Variants in XKR6 observed in about 807,000 individuals in gnomAD.
XKR6 encodes XK related 6.
In XKR6, 22 loss-of-function variants were observed where a neutral mutation model predicts 56.7. The observed-to-expected ratio is 0.39, with a 90% CI of 0.28 to 0.55. The LOEUF (loss-of-function observed/expected upper bound fraction) is 0.55, where lower values mean the gene tolerates loss of function less well. Ranked by LOEUF, XKR6 falls within the 20% of genes least tolerant of loss-of-function variation. The probability of loss-of-function intolerance (pLI) is 0.66; values close to 1 mark genes in which losing one functional copy is unlikely to be tolerated. For missense variants in XKR6, 852 were observed against 889.0 expected (o/e 0.96, Z 0.53); for synonymous variants, 524 against 387.8 (o/e 1.35, Z -4.13).
Position 10,905,629 on chromosome 8 carries a change from A to G in XKR6, c.962-6713T>C, listed in dbSNP as rs1414372558. 2.0e-5 allele frequency among the ~76,000 whole-genome samples: 3 copies of G among 152,134 alleles called. No individual in the cohort carries two copies. In the East Asian group the frequency reaches 5.8e-4, roughly 29 times the overall value. Reference sequence around the variant, plus strand: ...TGGTTATCTGTCAGTCTGCATATCAAGGACAACATCTCCCTCTTTCAACCC... The same window carrying G: ...TGGTTATCTGTCAGTCTGCATATCAGGGACAACATCTCCCTCTTTCAACCC... On this transcript the variant is annotated intron_variant, in intron 2 of 2. Coordinates refer to ENST00000416569, the MANE Select transcript of XKR6 (RefSeq NM_173683.4).
intron 1 of XKR6, chr8:11,123,835 C>T (rs1452924507): frequency 2.2e-6 from 1 of 456,200 alleles, no homozygotes; most frequent in Admixed American, 2.3e-5. Flanking sequence ...CACACCAAGG[C>T]AGTTCCAGTG....
intron 1 of XKR6, among the ~76,000 whole-genome samples, chr8:11,161,032 A>C (rs1174363623): frequency 6.6e-6 from 1 of 152,150 alleles, no homozygotes; most frequent in Non-Finnish European, 1.5e-5. Flanking sequence ...TCTAACCTTA[A>C]GATTTTTAAG....
intron 2 of XKR6, among the ~76,000 whole-genome samples, chr8:10,899,561 C>T (rs1480849839): frequency 6.6e-6 from 1 of 152,232 alleles, no homozygotes; most frequent in Non-Finnish European, 1.5e-5. Flanking sequence ...TCCTCTCTCA[C>T]CCACTCTGGT....
Position 10,922,938 on chromosome 8 carries a change from C to T in XKR6, c.961+1696G>A, listed in dbSNP as rs577165492. Among the ~76,000 whole-genome samples the T allele has an allele frequency of 8.5e-5, 13 of 152,308 alleles. No individual in the cohort carries two copies. In the South Asian group the frequency reaches 1.7e-3, roughly 19 times the overall value. The stretch of plus-strand genomic sequence containing the variant: ...AGTTGGCTCCTTCCAGCTCTCCTCT[C>T]TAGGCCACGGTTGCTCATCCTGTAG... On this transcript the variant is annotated intron_variant, in intron 2 of 2. Transcript: ENST00000416569.
intron 1 of XKR6, among the ~76,000 whole-genome samples, chr8:11,062,142 G>C (rs1586493212): frequency 1.3e-5 from 2 of 152,180 alleles, no homozygotes; most frequent in East Asian, 3.8e-4. Flanking sequence ...CTGGAAGTAT[G>C]ACAGGACAAG....
chr8:11,110,851 T>A (rs1347584009), intron 1 of XKR6, among the ~76,000 whole-genome samples: 1 of 152,006 alleles, frequency 6.6e-6, no homozygotes, highest in Non-Finnish European at 1.5e-5. Flanking sequence ...CCTTTTTTTT[T>A]TTTGAGGCGG....
At chr8:11,021,225 C>T (rs1798742974) in intron 1 of XKR6, among the ~76,000 whole-genome samples, 1 of 152,184 alleles carries the variant, frequency 6.6e-6, no homozygotes, top group South Asian at 2.1e-4. Context: ...CTGCAGGTCT[C>T]ACAGGGAGAG....
chr8:11,064,031 A>G (rs148857089), intron 1 of XKR6, among the ~76,000 whole-genome samples: 39 of 152,254 alleles, frequency 2.6e-4, no homozygotes, highest in Non-Finnish European at 4.9e-4. Context: ...TCTCTTCTAT[A>G]TCAACATCCA....
rs532332088 is a variant in XKR6 at position 10,964,261 on chromosome 8, A to T, written c.765-39431T>A. Among the ~76,000 whole-genome samples, 46 of 152,204 alleles carry T rather than the reference A, an allele frequency of 3.0e-4. 1 individual carries two copies. The highest frequency in any genetic ancestry group is 1.0e-3 in the African/African-American group (43 of 41,526). On this transcript the variant is annotated intron_variant, in intron 1 of 2. Coordinates refer to ENST00000416569, the MANE Select transcript of XKR6 (RefSeq NM_173683.4). ...ATGAATGGTTGGTTCTAAAAACCCA[A>T]TACCCCCACGCTTCCCTGGGGCTTC...
At chr8:11,084,933 T>C (rs180985837) in intron 1 of XKR6, among the ~76,000 whole-genome samples, 2 of 152,256 alleles carry the variant, frequency 1.3e-5, no homozygotes, top group Admixed American at 6.5e-5. Context: ...CAAAAAGAAA[T>C]CTGCTGAAGA....
intron 1 of XKR6, among the ~76,000 whole-genome samples, chr8:11,187,767 G>A (rs188569913): frequency 3.9e-5 from 6 of 152,276 alleles, no homozygotes; most frequent in African/African-American, 1.4e-4. Flanking sequence ...GGCACATGAA[G>A]GCTACACTCT....
chr8:10,976,120 G>A (rs1802549650), intron 1 of XKR6, among the ~76,000 whole-genome samples: 1 of 152,018 alleles, frequency 6.6e-6, no homozygotes, highest in African/African-American at 2.4e-5. Context: ...AGCTTGCAGT[G>A]AGCCGAGATC....
intron 1 of XKR6, among the ~76,000 whole-genome samples, chr8:11,187,410 C>T (rs937740940): frequency 2.0e-5 from 3 of 152,130 alleles, no homozygotes; most frequent in Non-Finnish European, 4.4e-5. Context: ...ATCGTGACAC[C>T]ATCGCTGATT....
intron 1 of XKR6, among the ~76,000 whole-genome samples, chr8:10,986,568 G>C (rs1797868547): frequency 6.6e-6 from 1 of 152,172 alleles, no homozygotes; most frequent in South Asian, 2.1e-4. Flanking sequence ...GATTTTGGTA[G>C]TTTTTGAGCA....
intron 1 of XKR6, among the ~76,000 whole-genome samples, chr8:10,972,426 C>A (rs911290150): frequency 1.3e-5 from 2 of 152,204 alleles, no homozygotes; most frequent in African/African-American, 4.8e-5. Flanking sequence ...AGTGTATGGT[C>A]TTGGGATGAG....
chr8:10,922,175 C>T (rs1800742388), intron 2 of XKR6, among the ~76,000 whole-genome samples: 1 of 152,232 alleles, frequency 6.6e-6, no homozygotes, highest in Non-Finnish European at 1.5e-5. Flanking sequence ...TATTCACTCT[C>T]AGGCATTTTG....
chr8:11,077,229 C>T (rs1800297231), intron 1 of XKR6, among the ~76,000 whole-genome samples: 1 of 152,298 alleles, frequency 6.6e-6, no homozygotes, highest in Admixed American at 6.5e-5. Context: ...GAAGCCCAAG[C>T]AGCAGCGTGC....
At chr8:11,130,340 C>A (rs1244647474) in intron 1 of XKR6, among the ~76,000 whole-genome samples, 3 of 151,596 alleles carry the variant, frequency 2.0e-5, no homozygotes, top group Non-Finnish European at 4.4e-5. Context: ...TTACGTTTTC[C>A]AAAGCACAAG....
intron 1 of XKR6, among the ~76,000 whole-genome samples, chr8:11,028,301 C>T (rs1554526837): frequency 6.6e-6 from 1 of 152,152 alleles, no homozygotes; most frequent in Non-Finnish European, 1.5e-5. Flanking sequence ...TCTTTTTTAG[C>T]ACTGAATGAT....
Sources: gnomAD v4.1 joint callset for allele counts (sites outside exome capture counted in the v4.1 genomes callset) on GRCh38, gnomAD v4.1.1 for gene constraint, MANE v1.5 for transcripts, NCBI Gene and HGNC (gene_info 2026-07-23, HGNC 2026-07-21) for gene names.